CTNND2: variants seen among roughly 807,000 people sequenced by gnomAD.
CTNND2 encodes catenin delta 2.
In CTNND2, 22 loss-of-function variants were observed where a neutral mutation model predicts 144.4. The ratio of observed to expected loss-of-function variants is 0.15; its 90% CI spans 0.11 to 0.22. The LOEUF is 0.22. CTNND2 is among the 10% of genes least tolerant of loss of function. CTNND2 has a pLI of 1.00. For synonymous variants in CTNND2, 751 were observed against 695.6 expected (o/e 1.08, Z -1.25); for missense variants, 1,353 against 1,618.8 (o/e 0.84, Z 2.82).
In CTNND2 at chr5:11,295,469, T is replaced by C. The variant is rs183537419; in HGVS notation, c.1628+50903A>G. ...GCTACCAATGACTTTCTTCACAGAA[T>C]TGGAAAAAACTACTTTAAAGTTTGT... On this transcript the variant is annotated intron_variant, in intron 9 of 21. Transcript: ENST00000304623. 1.4e-3 allele frequency among the ~76,000 whole-genome samples: 213 copies of C among 152,262 alleles called. 4 individuals are homozygous for C. The East Asian group carries it at 0.037, about 26-fold the overall frequency.
chr5:11,499,142 A>G (rs17817033), intron 3 of CTNND2, among the ~76,000 whole-genome samples: 5,187 of 152,314 alleles, frequency 0.034, 127 homozygotes, highest in South Asian at 0.072. Flanking sequence ...GTTTTGAGGG[A>G]ATAAACACCT....
chr5:11,855,084 T>A (rs1366765400), intron 1 of CTNND2, among the ~76,000 whole-genome samples: 1 of 152,182 alleles, frequency 6.6e-6, no homozygotes, highest in Non-Finnish European at 1.5e-5. Context: ...GAGCGACGGT[T>A]ACTTGGGTTT....
chr5:11,504,272 C>T (rs1770799854), intron 3 of CTNND2, among the ~76,000 whole-genome samples: 1 of 152,192 alleles, frequency 6.6e-6, no homozygotes, highest in Non-Finnish European at 1.5e-5. Context: ...GCTGCTGCTG[C>T]CGCTGCTGCT....
intron 18 of CTNND2, among the ~76,000 whole-genome samples, chr5:11,008,982 G>A (rs1353947206): frequency 2.0e-5 from 3 of 152,194 alleles, no homozygotes; most frequent in Non-Finnish European, 2.9e-5. Context: ...TTTCATGCCC[G>A]CCCATCGCAT....
chr5:11,802,293 TGC>T (rs1791732854), intron 1 of CTNND2, among the ~76,000 whole-genome samples: 1 of 147,568 alleles, frequency 6.8e-6, no homozygotes, highest in Non-Finnish European at 1.5e-5. Flanking sequence ...AAAGTCCAAG[TGC>T]AGTGGCTCAT....
chr5:11,667,184 A>G (rs1783614655), intron 2 of CTNND2, among the ~76,000 whole-genome samples: 2 of 152,078 alleles, frequency 1.3e-5, no homozygotes, highest in African/African-American at 4.8e-5. Flanking sequence ...CATTTGAGTC[A>G]GTTCCAAGTC....
chr5:11,738,312 A>G (rs1426528250), intron 1 of CTNND2, among the ~76,000 whole-genome samples: 1 of 152,200 alleles, frequency 6.6e-6, no homozygotes, highest in Non-Finnish European at 1.5e-5. Flanking sequence ...AATTCAGAAA[A>G]ATTGGCCTGC....
At chr5:11,383,308 C>G (rs933063492) in intron 7 of CTNND2, among the ~76,000 whole-genome samples, 27 of 152,066 alleles carry the variant, frequency 1.8e-4, no homozygotes, top group Non-Finnish European at 3.5e-4. Context: ...ACCCATCTCC[C>G]CCTTCTTGAC....
intron 2 of CTNND2, among the ~76,000 whole-genome samples, chr5:11,622,753 T>C (rs1490805857): frequency 6.6e-6 from 1 of 152,192 alleles, no homozygotes; most frequent in African/African-American, 2.4e-5. Context: ...AGTATTCATT[T>C]ATATCCTGTC....
At chr5:11,005,378 G>A (rs1358906585) in intron 18 of CTNND2, among the ~76,000 whole-genome samples, 1 of 152,188 alleles carries the variant, frequency 6.6e-6, no homozygotes, top group Non-Finnish European at 1.5e-5. Flanking sequence ...GAATGGCCAG[G>A]TCAGATCGGG....
intron 11 of CTNND2, among the ~76,000 whole-genome samples, chr5:11,175,961 T>C (rs1289693886): frequency 6.6e-6 from 1 of 152,208 alleles, no homozygotes; most frequent in Non-Finnish European, 1.5e-5. Flanking sequence ...TTCCTTTTAA[T>C]TAACCTTCTT....
chr5:11,364,905 C>G lies in CTNND2; in HGVS notation c.1178-15G>C, dbSNP rs201275593. ...TCGGGAACCAGCTGAAATAAATCAA[C>G]AGAGGGACATCAAAGCTCAGGCGAC... is the stretch of plus-strand genomic sequence containing the variant. On this transcript the variant is annotated splice_polypyrimidine_tract_variant and intron_variant, in intron 7 of 21. Coordinates refer to ENST00000304623, the MANE Select transcript of CTNND2 (RefSeq NM_001332.4). 6 of 1,604,022 alleles carry G rather than the reference C, an allele frequency of 3.7e-6. No homozygotes were observed. The African/African-American group carries it at 8.1e-5, about 22-fold the overall frequency.
chr5:11,766,004 C>T (rs774400362), intron 1 of CTNND2, among the ~76,000 whole-genome samples: 3 of 152,120 alleles, frequency 2.0e-5, no homozygotes, highest in Admixed American at 6.6e-5. Flanking sequence ...ATGAAACTAG[C>T]ACTGTAATGT....
chr5:11,756,647 TACAC>T (rs56310010), intron 1 of CTNND2, among the ~76,000 whole-genome samples: 7,683 of 149,656 alleles, frequency 0.051, 200 homozygotes, highest in Middle Eastern at 0.068. Context: ...CACACATACA[TACAC>T]ACACACACAC....
Position 11,384,970 on chromosome 5 carries a change from G to A in CTNND2, c.872C>T (p.Thr291Ile), listed in dbSNP as rs1210898580. The A allele has an allele frequency of 1.3e-6, 2 of 1,549,560 alleles. No individual in the cohort carries two copies. The highest frequency in any genetic ancestry group is 1.7e-6 in the Non-Finnish European group (2 of 1,152,404). Residue 291 changes from threonine to isoleucine, a missense_variant, in exon 7 of 22, where the codon ACC (threonine) becomes ATC (isoleucine). Thr to Ile is a moderately conservative substitution (Grantham distance 89, BLOSUM62 -1). Transcript: ENST00000304623. The surrounding 1 kb of genome is among the most constrained non-coding windows in gnomAD (Gnocchi z 5.2). Reference sequence around the variant, plus strand: ...CGAGGAGCCGCGCGGCGCGGCGTAGGTGGCGCCCTCGGGGGCCGAGCCGCC... The same window carrying A: ...CGAGGAGCCGCGCGGCGCGGCGTAGATGGCGCCCTCGGGGGCCGAGCCGCC... ...QRGGSAPEGA[T>I]YAAPRGSSPK...
intron 3 of CTNND2, among the ~76,000 whole-genome samples, chr5:11,419,042 AGATAGACATC>A (rs1266201217): frequency 1.3e-4 from 18 of 140,858 alleles, no homozygotes; most frequent in African/African-American, 4.2e-4. Flanking sequence ...ATAGATATAT[AGATAGACATC>A]TATATAGATA....
intron 3 of CTNND2, among the ~76,000 whole-genome samples, chr5:11,523,601 T>C (rs1289834442): frequency 6.6e-6 from 1 of 152,214 alleles, no homozygotes; most frequent in Non-Finnish European, 1.5e-5. Context: ...AGAAGAACTT[T>C]TGATGAATTT....
intron 2 of CTNND2, among the ~76,000 whole-genome samples, chr5:11,696,317 T>TA (rs1785138267): frequency 6.6e-6 from 1 of 152,244 alleles, no homozygotes; most frequent in South Asian, 2.1e-4. Context: ...TCCAACTATT[T>TA]AAAATATGTG....
chr5:11,249,766 C>T (rs1002895151), intron 9 of CTNND2, among the ~76,000 whole-genome samples: 2 of 150,950 alleles, frequency 1.3e-5, no homozygotes, highest in Admixed American at 6.6e-5. Flanking sequence ...GTTATTTAGC[C>T]GCTAGAATAG....
Sources: gnomAD v4.1 joint callset for allele counts (sites outside exome capture counted in the v4.1 genomes callset) on GRCh38, gnomAD v4.1.1 for gene constraint, Gnocchi (gnomAD v3.1) non-coding constraint, MANE v1.5 for transcripts, NCBI Gene and HGNC (gene_info 2026-07-23, HGNC 2026-07-21) for gene names.